RAB37: variants seen among roughly 807,000 people sequenced by gnomAD.
The protein encoded by RAB37 is ras-related protein Rab-37.
In RAB37, 29 loss-of-function variants were observed where a neutral mutation model predicts 33.1. That is an observed-to-expected ratio of 0.88 (90% CI 0.65 to 1.20). The LOEUF is 1.20. Among genes scored for constraint, RAB37 ranks in the 50% most tolerant of loss-of-function variants. RAB37 has a pLI of 0.00. For synonymous variants in RAB37, 128 were observed against 119.5 expected (o/e 1.07, Z -0.47); for missense variants, 299 against 301.1 (o/e 0.99, Z 0.05).
At chr17:74,675,445 A>C in intron 1 of RAB37, among the ~76,000 whole-genome samples, 1 of 152,022 alleles carries the variant, frequency 6.6e-6, no homozygotes, top group Admixed American at 6.6e-5. Flanking sequence ...AAAAAAAAAA[A>C]AAGTGGTTGT....
chr17:74,736,397 C>T (rs1598319744), upstream of RAB37, among the ~76,000 whole-genome samples: 1 of 152,202 alleles, frequency 6.6e-6, no homozygotes, highest in Non-Finnish European at 1.5e-5. Context: ...TACCGGCAAC[C>T]CCAGCTGCAC....
intron 5 of RAB37, among the ~76,000 whole-genome samples, chr17:74,743,558 C>T (rs1164496608): frequency 6.6e-6 from 1 of 152,224 alleles, no homozygotes; most frequent in African/African-American, 2.4e-5. Flanking sequence ...CCTGTGCCAC[C>T]TGCATAGCCC....
chr17:74,696,188 A>C lies in RAB37; in HGVS notation c.72+24530A>C, dbSNP rs756429764. 41 of 1,604,264 alleles carry C rather than the reference A, an allele frequency of 2.6e-5. No homozygotes were observed. In the South Asian group the frequency reaches 2.7e-4, roughly 10 times the overall value. On this transcript the variant is annotated intron_variant, in intron 1 of 7. Coordinates refer to the RAB37 transcript ENST00000340415. ...TCTCTCTGGTCCGACCTTGGGGGCT[A>C]TCTTACCTGCTCTGGGGACATCCCG...
chr17:74,674,992 C>G (rs1432156638), intron 1 of RAB37, among the ~76,000 whole-genome samples: 4 of 152,134 alleles, frequency 2.6e-5, no homozygotes, highest in Non-Finnish European at 5.9e-5. Flanking sequence ...TTGGAATAAG[C>G]CAAACCTTGA....
intron 1 of RAB37, chr17:74,695,775 T>A: frequency 6.2e-7 from 1 of 1,614,134 alleles, no homozygotes; most frequent in Non-Finnish European, 8.5e-7. Flanking sequence ...GAGGAAAGCT[T>A]CGTGGTAGCC....
At chr17:74,721,361 T>C (rs1160738913) in intron 1 of RAB37, among the ~76,000 whole-genome samples, 1 of 152,192 alleles carries the variant, frequency 6.6e-6, no homozygotes, top group Non-Finnish European at 1.5e-5. Context: ...TTTACTTCAC[T>C]AGTCTCTACT....
chr17:74,687,027 T>C (rs149735626), intron 1 of RAB37, among the ~76,000 whole-genome samples: 1 of 152,202 alleles, frequency 6.6e-6, no homozygotes, highest in Non-Finnish European at 1.5e-5. Context: ...GCCAGTGCTC[T>C]GCTCTGCTCA....
intron 1 of RAB37, among the ~76,000 whole-genome samples, chr17:74,701,965 T>G (rs533284194): frequency 6.6e-6 from 1 of 151,256 alleles, no homozygotes; most frequent in African/African-American, 2.4e-5. Context: ...GAGGTTGCAG[T>G]GAGCCAAGAT....
At chr17:74,737,088 C>G (rs1430262330), upstream of RAB37, 31 of 1,604,948 alleles carry the variant, frequency 1.9e-5, no homozygotes, top group East Asian at 6.9e-4. Context: ...GCAGACCCTG[C>G]GGCTCTGCGT....
chr17:74,740,134 C>T (rs1280753888), intron 1 of RAB37, among the ~76,000 whole-genome samples: 1 of 142,612 alleles, frequency 7.0e-6, no homozygotes, highest in Non-Finnish European at 1.5e-5. Context: ...CCAGCCTGGG[C>T]AACAAGAGCA....
In RAB37 at chr17:74,738,211, G is replaced by A. The variant is rs1230685330; in HGVS notation, c.93+846G>A. ...TGGGGATGGAGTGAGGGCTGTCCTG[G>A]ATTCCGCTGCATGGCCTTGAAGGAG... On this transcript the variant is annotated intron_variant, in intron 1 of 8. Transcript: ENST00000392613. This position sits in a 1 kb window ranked among gnomAD's most constrained non-coding sequence, Gnocchi z 5.0. 6.6e-6 allele frequency among the ~76,000 whole-genome samples: 1 copy of A among 152,134 alleles called. No homozygotes were observed. Among genetic ancestry groups the A allele is most frequent in the African/African-American group, 2.4e-5 (1 of 41,422 alleles).
upstream of RAB37, among the ~76,000 whole-genome samples, chr17:74,734,887 G>T (rs2034443175): frequency 6.9e-6 from 1 of 145,700 alleles, no homozygotes; most frequent in Non-Finnish European, 1.5e-5. Flanking sequence ...CAGAGAGAAA[G>T]AAAGGGAAAG....
At chr17:74,716,712 AAGAGAG>A (rs372536172) in intron 1 of RAB37, among the ~76,000 whole-genome samples, 7 of 149,044 alleles carry the variant, frequency 4.7e-5, no homozygotes, top group African/African-American at 7.4e-5. Flanking sequence ...GGGGCAGAGA[AAGAGAG>A]AGAGAGAGAG....
chr17:74,695,439 C>G (rs887283883), intron 1 of RAB37, among the ~76,000 whole-genome samples: 1 of 152,176 alleles, frequency 6.6e-6, no homozygotes, highest in Non-Finnish European at 1.5e-5. Flanking sequence ...AGATTCTCCC[C>G]CAACCCTGCA....
At chr17:74,733,287 A>G (rs2034415035), upstream of RAB37, among the ~76,000 whole-genome samples, 1 of 152,048 alleles carries the variant, frequency 6.6e-6, no homozygotes, top group African/African-American at 2.4e-5. Context: ...GGCATAATAC[A>G]AAGTTGTGTG....
chr17:74,674,404 A>C (rs1478383871), intron 1 of RAB37, among the ~76,000 whole-genome samples: 1 of 150,290 alleles, frequency 6.7e-6, no homozygotes, highest in Non-Finnish European at 1.5e-5. Context: ...TTTTAAATAG[A>C]CTTGTTATTG....
chr17:74,693,210 G>T (rs1462717349), intron 1 of RAB37, among the ~76,000 whole-genome samples: 1 of 152,256 alleles, frequency 6.6e-6, no homozygotes, highest in African/African-American at 2.4e-5. Flanking sequence ...CCAGTCTGCG[G>T]GAAGAGCATT....
At chr17:74,691,866 ATTTT>A (rs1334184845) in intron 1 of RAB37, among the ~76,000 whole-genome samples, 1 of 139,482 alleles carries the variant, frequency 7.2e-6, no homozygotes, top group Non-Finnish European at 1.6e-5. Context: ...ATGTTATGCC[ATTTT>A]TTTTTTTTTT....
chr17:74,705,895 T>A (rs547011001), intron 1 of RAB37, among the ~76,000 whole-genome samples: 4 of 152,354 alleles, frequency 2.6e-5, no homozygotes, highest in East Asian at 3.9e-4. Flanking sequence ...ACGCCTGGCC[T>A]GTATTTTCTT....
Sources: gnomAD v4.1 joint callset for allele counts (sites outside exome capture counted in the v4.1 genomes callset) on GRCh38, gnomAD v4.1.1 for gene constraint, Gnocchi (gnomAD v3.1) non-coding constraint, MANE v1.5 for transcripts, NCBI Gene and HGNC (gene_info 2026-07-23, HGNC 2026-07-21) for gene names.